Variants in BRDT observed in about 807,000 individuals in gnomAD.
The protein encoded by BRDT is bromodomain testis associated, also known as bromodomain testis-specific protein.
A neutral mutation model predicts 113.9 loss-of-function variants in BRDT; 77 were observed. The ratio of observed to expected loss-of-function variants is 0.68; its 90% CI spans 0.56 to 0.82. BRDT has a LOEUF of 0.82. Ranked by LOEUF, BRDT falls within the 40% of genes least tolerant of loss-of-function variation. The probability of loss-of-function intolerance (pLI) is 0.00; values close to 1 mark genes in which losing one functional copy is unlikely to be tolerated. For synonymous variants in BRDT, 358 were observed against 366.5 expected (o/e 0.98, Z 0.26); for missense variants, 1,027 against 1,105.4 (o/e 0.93, Z 1.01).
chr1:91,970,089 C>T (rs1683480504), intron 4 of BRDT, among the ~76,000 whole-genome samples: 1 of 151,964 alleles, frequency 6.6e-6, no homozygotes, highest in Admixed American at 6.6e-5. Context: ...CTTGGCCTCC[C>T]AAAGTGCTGT....
intron 1 of BRDT, among the ~76,000 whole-genome samples, chr1:91,961,502 A>G (rs1428950916): frequency 2.6e-5 from 4 of 151,910 alleles, no homozygotes; most frequent in African/African-American, 9.7e-5. Context: ...GGTGTCATGC[A>G]TCTGTAGTCG....
chr1:91,985,707 G>C (rs1685158268), intron 12 of BRDT, among the ~76,000 whole-genome samples: 2 of 135,266 alleles, frequency 1.5e-5, no homozygotes, highest in Non-Finnish European at 3.0e-5. Flanking sequence ...GGCGCCGTCT[G>C]GGCTTACTGC....
chr1:91,963,971 A>G (rs1183309107), intron 2 of BRDT, among the ~76,000 whole-genome samples: 1 of 151,746 alleles, frequency 6.6e-6, no homozygotes, highest in Non-Finnish European at 1.5e-5. Context: ...TCCTGGGCTC[A>G]AGTGATTCTT....
intron 2 of BRDT, among the ~76,000 whole-genome samples, chr1:91,963,685 A>G (rs1406333936): frequency 1.3e-5 from 2 of 152,048 alleles, no homozygotes; most frequent in East Asian, 1.9e-4. Context: ...ATTTTATTCT[A>G]TGGAGTCAGA....
intron 12 of BRDT, among the ~76,000 whole-genome samples, chr1:91,985,278 T>G (rs1685107709): frequency 2.0e-5 from 3 of 151,916 alleles, no homozygotes; most frequent in South Asian, 4.2e-4. Context: ...GCCAGGATGG[T>G]CTCGATCTCC....
At chr1:91,952,276 T>C (rs746296645) in intron 1 of BRDT, 3 of 152,136 alleles carry the variant, frequency 2.0e-5, no homozygotes, top group African/African-American at 7.2e-5. Context: ...TTAATCTTAG[T>C]GTAAGGGGAG....
intron 4 of BRDT, among the ~76,000 whole-genome samples, chr1:91,968,841 C>T (rs1683330571): frequency 6.6e-6 from 1 of 152,144 alleles, no homozygotes; most frequent in African/African-American, 2.4e-5. Flanking sequence ...ATCTTTGGAT[C>T]ACTTAAGCAG....
At chr1:92,001,995 G>C in intron 15 of BRDT, 54 bp from the exon 16 acceptor site, 1 of 1,308,166 alleles carries the variant, frequency 7.6e-7, no homozygotes, top group East Asian at 2.5e-5. Flanking sequence ...TCAAATTCTG[G>C]GTAAGTAGGA....
rs899221809 is a variant in BRDT at position 92,014,409 on chromosome 1, G to A, written c.*135G>A. 1.9e-6 allele frequency: 1 copy of A among 531,272 alleles called. No individual in the cohort carries two copies. Among genetic ancestry groups the A allele is most frequent in the Non-Finnish European group, 3.2e-6 (1 of 312,680 alleles). The allele number at this position is 531,272 out of a possible 1,614,324, so 32.9% of individuals were successfully genotyped here. On this transcript the variant is annotated 3_prime_UTR_variant, in exon 19 of 19. Coordinates refer to ENST00000399546, the MANE Select transcript of BRDT (RefSeq NM_207189.4). ...TTGACTGCTCTAAAATGATTAAACA[G>A]TTTTCACTTACATTTTTAATAGCTA...
At chr1:92,013,159 A>G (rs1687953185) in intron 18 of BRDT, among the ~76,000 whole-genome samples, 1 of 150,662 alleles carries the variant, frequency 6.6e-6, no homozygotes, top group Non-Finnish European at 1.5e-5. Context: ...CGGAGGTTGC[A>G]GTGAGCTGAG....
chr1:92,005,164 A>G lies in BRDT; in HGVS notation c.2640A>G (p.Ile880Met). The G allele has an allele frequency of 6.5e-7, 1 of 1,548,826 alleles. No individual in the cohort carries two copies. The highest frequency in any genetic ancestry group is 8.7e-7 in the Non-Finnish European group (1 of 1,154,596). Reference protein sequence around the residue: ...GLTVESFSNKIQNKCSGEEQK... With the variant: ...GLTVESFSNKMQNKCSGEEQK... ...CTGTAGAATCTTTTTCAAATAAAAT[A>G]CAAAACAAGTGCTCTGGAGAAGAGC... The change falls in exon 18 of 19, where the codon ATA (isoleucine) becomes ATG (methionine). Residue 880 changes from isoleucine to methionine, a missense_variant. Transcript: ENST00000399546.
intron 12 of BRDT, among the ~76,000 whole-genome samples, chr1:91,986,190 A>G (rs1421188681): frequency 6.6e-6 from 1 of 152,186 alleles, no homozygotes; most frequent in Non-Finnish European, 1.5e-5. Flanking sequence ...TCTTATGTTG[A>G]CTAGGCTGTG....
intron 12 of BRDT, among the ~76,000 whole-genome samples, chr1:91,982,008 G>A (rs969975348): frequency 3.9e-5 from 6 of 152,066 alleles, no homozygotes; most frequent in African/African-American, 1.4e-4. Flanking sequence ...AGGAGGGATA[G>A]TCTCAATAAA....
chr1:91,993,327 A>AG (rs1204071202), intron 14 of BRDT, among the ~76,000 whole-genome samples: 2 of 152,200 alleles, frequency 1.3e-5, no homozygotes, highest in Non-Finnish European at 2.9e-5. Flanking sequence ...TACAACTCAG[A>AG]GCTTAGTTAG....
chr1:91,980,755 G>T lies in BRDT; in HGVS notation c.1400G>T (p.Ser467Ile). 1 of 1,605,712 alleles carries T rather than the reference G, an allele frequency of 6.2e-7. No homozygotes were observed. Among genetic ancestry groups the T allele is most frequent in the Non-Finnish European group, 8.5e-7 (1 of 1,178,366 alleles). The stretch of plus-strand genomic sequence containing the variant: ...AAGAAAAAAGAAAAGGTTAATAACA[G>T]CAATGAAAATCCAAGAAAAATGTGT... ...KEKKKEKVNN[S>I]NENPRKMCEQ... The change falls in exon 9 of 19, where the codon AGC becomes ATC. Residue 467 changes from serine to isoleucine, a missense_variant. Transcript: ENST00000399546.
At chr1:92,004,669 T>G in intron 17 of BRDT, 50 bp downstream of exon 17, 1 of 1,433,672 alleles carries the variant, frequency 7.0e-7, no homozygotes, top group Non-Finnish European at 9.4e-7. Context: ...TAGAATGTAT[T>G]TTAAATACAT....
chr1:91,949,547 C>T lies in BRDT; in HGVS notation c.-173C>T, dbSNP rs1243822548. The T allele has an allele frequency of 6.6e-6, 1 of 152,278 alleles. No individual in the cohort carries two copies. The highest frequency in any genetic ancestry group is 6.5e-5 in the Admixed American group (1 of 15,268). 9.4% of individuals were successfully genotyped at this position (152,278 alleles called of 1,614,324 possible). The stretch of plus-strand genomic sequence containing the variant: ...AATGTACCCTCCACAGGGGGTGCTG[C>T]CTTAGGCCGGCCCCGAGGTGCGGCC... On this transcript the variant is annotated 5_prime_UTR_variant, in exon 1 of 19. Coordinates refer to ENST00000399546, the MANE Select transcript of BRDT (RefSeq NM_207189.4).
In BRDT at chr1:91,962,856, T is replaced by C. The variant is rs1557808053; in HGVS notation, c.102T>C (p.Tyr34=). 5 of 1,613,152 alleles carry C rather than the reference T, an allele frequency of 3.1e-6. No individual in the cohort carries two copies. In the East Asian group the frequency reaches 1.1e-4, roughly 36 times the overall value. ...GGCGATTGACAAATCAACTTCAGTA[T>C]CTACAAAAAGTTGTCCTAAAGGATT... ...KNGRLTNQLQ[Y]LQKVVLKDLW... is the part of the protein sequence containing the mutation. Residue 34 remains tyrosine, a synonymous_variant, in exon 2 of 19, where the codon TAT becomes TAC. Coordinates refer to ENST00000399546, the MANE Select transcript of BRDT (RefSeq NM_207189.4).
chr1:91,998,089 T>C (rs1686507346), intron 15 of BRDT, among the ~76,000 whole-genome samples: 1 of 152,212 alleles, frequency 6.6e-6, no homozygotes, highest in Admixed American at 6.5e-5. Flanking sequence ...GAATTTTTTT[T>C]CCTTATAAGT....
Sources: gnomAD v4.1 joint callset for allele counts (sites outside exome capture counted in the v4.1 genomes callset) on GRCh38, gnomAD v4.1.1 for gene constraint, MANE v1.5 for transcripts, NCBI Gene and HGNC (gene_info 2026-07-23, HGNC 2026-07-21) for gene names.